CFAP47: variants seen among roughly 807,000 people sequenced by gnomAD.
CFAP47 encodes the protein cilia and flagella associated protein 47, also known as cilia- and flagella-associated protein 47.
A neutral mutation model predicts 148.1 loss-of-function variants in CFAP47; 29 were observed. The ratio of observed to expected loss-of-function variants is 0.20; its 90% CI spans 0.15 to 0.27. CFAP47 has a LOEUF of 0.27. Ranked by LOEUF, CFAP47 falls within the 10% of genes least tolerant of loss-of-function variation. CFAP47 has a pLI of 1.00. For missense variants in CFAP47, 1,872 were observed against 1,697.5 expected (o/e 1.10, Z -1.81); for synonymous variants, 664 against 577.3 (o/e 1.15, Z -2.15).
At chrX:35,924,730 T>C (rs1935709461) in intron 1 of CFAP47, among the ~76,000 whole-genome samples, 1 of 110,964 alleles carries the variant, frequency 9.0e-6, no homozygotes, top group African/African-American at 3.3e-5. Context: ...CTTATATTTT[T>C]AAAGTAGTCC....
At chrX:36,235,486 G>A (rs986126616) in intron 46 of CFAP47, among the ~76,000 whole-genome samples, 1 of 112,297 alleles carries the variant, frequency 8.9e-6, no homozygotes, top group Non-Finnish European at 1.9e-5. Flanking sequence ...GCAGTATTGA[G>A]GTGGGAGTGA....
chrX:36,021,170 A>G (rs1937153030), intron 22 of CFAP47, among the ~76,000 whole-genome samples: 2 of 111,840 alleles, frequency 1.8e-5, no homozygotes, highest in African/African-American at 6.5e-5. Context: ...GTCTCTATTT[A>G]TATCTTATGG....
chrX:35,943,970 A>G lies in CFAP47; in HGVS notation c.517+2572A>G, dbSNP rs765904094. 3.6e-5 allele frequency among the ~76,000 whole-genome samples: 4 copies of G among 111,347 alleles called. No individual in the cohort carries two copies. The East Asian group carries it at 1.1e-3, about 32-fold the overall frequency. Reference sequence around the variant, plus strand: ...ATTATAACATAGAACAGTTTCTCAAATTCCTAAGTGAGAGCCTTACATATC... The same window carrying G: ...ATTATAACATAGAACAGTTTCTCAAGTTCCTAAGTGAGAGCCTTACATATC... On this transcript the variant is annotated intron_variant, in intron 3 of 63. Coordinates refer to ENST00000378653, the MANE Select transcript of CFAP47 (RefSeq NM_001304548.2).
At position 35,948,396 on chromosome X, in the gene CFAP47, G is replaced by A. The variant is rs376967454; in HGVS notation, c.600G>A (p.Met200Ile). 32 of 1,200,971 alleles carry A rather than the reference G, an allele frequency of 2.7e-5. No homozygotes were observed. Among genetic ancestry groups the A allele is most frequent in the Non-Finnish European group, 3.4e-5 (30 of 886,964 alleles). The change falls in exon 4 of 64, where the codon ATG becomes ATA. Residue 200 changes from methionine to isoleucine, a missense_variant. Physicochemically the swap from Met to Ile is conservative, Grantham distance 10. Coordinates refer to ENST00000378653, the MANE Select transcript of CFAP47 (RefSeq NM_001304548.2). ...GTATCGTGGATGCTAAGTCATCAATGGTTATTAAAGTAGATTTCTGTGCAG... is the reference window on the plus strand; with the variant it reads ...GTATCGTGGATGCTAAGTCATCAATAGTTATTAAAGTAGATTTCTGTGCAG... ...TSGIVDAKSS[M>I]VIKVDFCADQ...
At chrX:36,084,004 T>C (rs1310618410) in intron 29 of CFAP47, among the ~76,000 whole-genome samples, 2 of 111,114 alleles carry the variant, frequency 1.8e-5, no homozygotes, top group Non-Finnish European at 3.8e-5. Context: ...GCAGTATGAA[T>C]ACTATTCTAT....
intron 48 of CFAP47, among the ~76,000 whole-genome samples, chrX:36,242,852 A>C (rs1602065574): frequency 9.0e-6 from 1 of 111,596 alleles, no homozygotes; most frequent in African/African-American, 3.3e-5. Context: ...ACTATACAAG[A>C]CAACTATCCC....
chrX:36,027,118 A>G (rs1937227307), intron 22 of CFAP47, among the ~76,000 whole-genome samples: 1 of 80,304 alleles, frequency 1.2e-5, no homozygotes, highest in African/African-American at 5.6e-5. Flanking sequence ...ATGTGATTAT[A>G]TATATATGAT....
chrX:36,097,888 T>G (rs1938305180), intron 30 of CFAP47, among the ~76,000 whole-genome samples: 1 of 111,718 alleles, frequency 9.0e-6, no homozygotes, highest in Admixed American at 9.5e-5. Context: ...TATTATCTTT[T>G]GAATAAACTC....
chrX:36,127,417 T>C (rs1459100998), intron 33 of CFAP47, among the ~76,000 whole-genome samples: 3 of 111,610 alleles, frequency 2.7e-5, no homozygotes, highest in African/African-American at 9.8e-5. Flanking sequence ...TGTGTGGTAT[T>C]GTTTCTGAAG....
chrX:36,044,231 A>G (rs191965038), intron 25 of CFAP47, among the ~76,000 whole-genome samples: 56 of 113,134 alleles, frequency 4.9e-4, no homozygotes, highest in African/African-American at 1.6e-3. Context: ...AAGATCTATG[A>G]CATGCCCTGC....
rs760971128 is a variant in CFAP47 at position 36,147,355 on chromosome X, C to A, written c.5671-1753C>A. Among the ~76,000 whole-genome samples, 5 of 112,154 alleles carry A rather than the reference C, an allele frequency of 4.5e-5. No individual in the cohort carries two copies. In the East Asian group the frequency reaches 1.4e-3, roughly 32 times the overall value. Reference sequence around the variant, plus strand: ...GGAGTTGGGTGGTATGACTGTCTGACCACAGATGAGTCCAATACCATTTTG... The same window carrying A: ...GGAGTTGGGTGGTATGACTGTCTGAACACAGATGAGTCCAATACCATTTTG... On this transcript the variant is annotated intron_variant, in intron 36 of 63. Coordinates refer to ENST00000378653, the MANE Select transcript of CFAP47 (RefSeq NM_001304548.2).
intron 7 of CFAP47, among the ~76,000 whole-genome samples, chrX:35,955,713 G>C (rs1445431981): frequency 1.8e-5 from 2 of 111,937 alleles, no homozygotes; most frequent in Non-Finnish European, 3.8e-5. Context: ...AACATTATTT[G>C]GTTGATTATT....
At chrX:35,936,179 C>CT (rs1302087803) in intron 2 of CFAP47, among the ~76,000 whole-genome samples, 2 of 111,644 alleles carry the variant, frequency 1.8e-5, no homozygotes, top group African/African-American at 3.3e-5. Context: ...CCACAGGCCT[C>CT]TGAGACTTTG....
intron 52 of CFAP47, among the ~76,000 whole-genome samples, chrX:36,300,372 C>T (rs1266382821): frequency 9.1e-6 from 1 of 109,378 alleles, no homozygotes; most frequent in Non-Finnish European, 1.9e-5. Flanking sequence ...TCACTGCAAC[C>T]TCTGCCTCCC....
chrX:36,126,975 T>C (rs1356003785), intron 33 of CFAP47, among the ~76,000 whole-genome samples: 3 of 112,472 alleles, frequency 2.7e-5, no homozygotes, highest in Non-Finnish European at 5.6e-5. Context: ...TTAAGTTCTT[T>C]GTAGATTCTG....
At chrX:36,182,841 G>A (rs1939765922) in intron 40 of CFAP47, among the ~76,000 whole-genome samples, 1 of 112,500 alleles carries the variant, frequency 8.9e-6, no homozygotes, top group Admixed American at 9.4e-5. Flanking sequence ...TAGGCTCATG[G>A]TAATATTGCA....
chrX:36,141,725 G>A (rs923300663), intron 35 of CFAP47, among the ~76,000 whole-genome samples: 4 of 112,242 alleles, frequency 3.6e-5, no homozygotes, highest in Admixed American at 9.4e-5. Flanking sequence ...GACAATCAAA[G>A]ATTATAAGGA....
At chrX:36,066,023 A>G (rs1466204479) in intron 27 of CFAP47, among the ~76,000 whole-genome samples, 1 of 112,092 alleles carries the variant, frequency 8.9e-6, no homozygotes, top group Non-Finnish European at 1.9e-5. Context: ...CCATAATGCT[A>G]TGCCCTTTAT....
intron 36 of CFAP47, among the ~76,000 whole-genome samples, chrX:36,146,190 C>T (rs1235446672): frequency 1.8e-5 from 2 of 111,145 alleles, no homozygotes; most frequent in East Asian, 5.7e-4. Context: ...AAGTTTTTTG[C>T]TTAGGCCTGC....
Sources: allele counts gnomAD v4.1 joint callset (sites outside exome capture counted in the v4.1 genomes callset), GRCh38; gene constraint gnomAD v4.1.1; transcripts MANE v1.5; gene names NCBI Gene and HGNC (gene_info 2026-07-23, HGNC 2026-07-21).